CSF2RA: variants seen among roughly 807,000 people sequenced by gnomAD.
CSF2RA encodes the protein granulocyte-macrophage colony-stimulating factor receptor subunit alpha.
CSF2RA carries 42 observed loss-of-function variants against 51.6 expected under a neutral mutation model. The observed-to-expected ratio is 0.81, with a 90% confidence interval of 0.64 to 1.05. CSF2RA has a LOEUF of 1.05. Among genes scored for constraint, CSF2RA ranks in the 50% least tolerant of loss-of-function variants. The pLI is 0.00. For missense variants in CSF2RA, 530 were observed against 501.1 expected, an observed-to-expected ratio of 1.06 and a Z score of -0.55; for synonymous variants, 222 against 193.0, an observed-to-expected ratio of 1.15 and a Z score of -1.24.
In CSF2RA at chrX:1,290,105, TTGTTTTG is replaced by T. The variant is rs1348947724; in HGVS notation, c.474-218_474-212del. Among the ~76,000 whole-genome samples, 36 of 149,340 alleles carry T rather than the reference TTGTTTTG, an allele frequency of 2.4e-4. No individual in the cohort carries two copies. In the South Asian group the frequency reaches 7.3e-3, roughly 30 times the overall value. ...TTTGTGTTTTGTTTTGTGTTTGTTT[TTGTTTTG>T]TGTTTTGTGTTTTTATGTTTTGTTT... On this transcript the variant is annotated intron_variant, in intron 6 of 12. Coordinates refer to ENST00000381529, the MANE Select transcript of CSF2RA (RefSeq NM_172245.4).
intron 12 of CSF2RA, among the ~76,000 whole-genome samples, chrX:1,307,993 G>A (rs1482257675): frequency 1.4e-5 from 2 of 138,876 alleles, no homozygotes; most frequent in Admixed American, 7.4e-5. Context: ...AATTAGACAA[G>A]GCCCACCCCC....
rs2083506907 is a variant in CSF2RA, at chrX:1,305,823, G to A, written c.1125+296G>A. 2.6e-6 allele frequency: 4 copies of A among 1,536,360 alleles called. No homozygotes were observed. The African/African-American group carries it at 4.1e-5, about 16-fold the overall frequency. On this transcript the variant is annotated intron_variant, in intron 12 of 12. Coordinates refer to ENST00000381529, the MANE Select transcript of CSF2RA (RefSeq NM_172245.4). ...GGGCCAGGCACGGTGGCTCATGCCTGTCATCCCAGCACTTTGGGAGGTTGA... is the reference window on the plus strand; with the variant it reads ...GGGCCAGGCACGGTGGCTCATGCCTATCATCCCAGCACTTTGGGAGGTTGA...
chrX:1,307,671 C>A (rs1315442351), intron 12 of CSF2RA, among the ~76,000 whole-genome samples: 2 of 149,866 alleles, frequency 1.3e-5, no homozygotes, highest in Non-Finnish European at 3.0e-5. Flanking sequence ...CCACCCTCCC[C>A]TTTATACCTT....
chrX:1,305,861 A>G, intron 12 of CSF2RA: 1 of 1,413,152 alleles, frequency 7.1e-7, no homozygotes, highest in Non-Finnish European at 9.8e-7. Flanking sequence ...CATGTGGATC[A>G]TCTGAGGTCA....
chrX:1,314,437 T>C, downstream of CSF2RA, among the ~76,000 whole-genome samples: 1 of 148,498 alleles, frequency 6.7e-6, no homozygotes, highest in African/African-American at 2.5e-5. Flanking sequence ...CCAACCGCAC[T>C]GCACTTGCCC....
intron 7 of CSF2RA, among the ~76,000 whole-genome samples, chrX:1,291,718 C>A (rs1384983950): frequency 6.6e-6 from 1 of 152,140 alleles, no homozygotes; most frequent in African/African-American, 2.4e-5. Context: ...TGCCCCACCT[C>A]CACTTGGACC....
chrX:1,288,408 G>A lies in CSF2RA; in HGVS notation c.220-111G>A, dbSNP rs1355423856. 11 of 1,188,700 alleles carry A rather than the reference G, an allele frequency of 9.3e-6. 1 individual carries two copies. Among genetic ancestry groups the A allele is most frequent in the Non-Finnish European group, 1.4e-5 (11 of 797,758 alleles). 73.6% of individuals were successfully genotyped at this position (1,188,700 alleles called of 1,614,324 possible). A position where few individuals can be genotyped will look rare whatever the true frequency, so the allele number is the denominator to read the frequency against. On this transcript the variant is annotated intron_variant, in intron 4 of 12. Coordinates refer to ENST00000381529, the MANE Select transcript of CSF2RA (RefSeq NM_172245.4). ...GAGGCGGGAGAATTGCTTGAACCTGGAAGGCGGAGGTTGTAGTGAGCCGAG... is the reference window on the plus strand; with the variant it reads ...GAGGCGGGAGAATTGCTTGAACCTGAAAGGCGGAGGTTGTAGTGAGCCGAG...
the CSF2RA span, among the ~76,000 whole-genome samples, chrX:1,318,979 A>ATTTAT: frequency 3.1e-3 from 466 of 150,014 alleles, 19 homozygotes; most frequent in East Asian, 0.038. Context: ...ATGATCCTTT[A>ATTTAT]TTTATTTTAT....
At chrX:1,311,493 G>C (rs1327924585), downstream of CSF2RA, among the ~76,000 whole-genome samples, 1 of 151,484 alleles carries the variant, frequency 6.6e-6, no homozygotes, top group East Asian at 2.0e-4. Context: ...GAGTGCAGTG[G>C]CACAATCTCT....
At chrX:1,316,995 G>A in the CSF2RA span, among the ~76,000 whole-genome samples, 1 of 152,080 alleles carries the variant, frequency 6.6e-6, no homozygotes, top group African/African-American at 2.4e-5. Flanking sequence ...CGCCCAGGCT[G>A]GAGTGCAGTG....
At chrX:1,278,128 G>A (rs1265465429) in intron 2 of CSF2RA, among the ~76,000 whole-genome samples, 1 of 140,540 alleles carries the variant, frequency 7.1e-6, no homozygotes, top group Non-Finnish European at 1.5e-5. Context: ...GAGGTCAGGA[G>A]TTCGAGACCA....
intron 12 of CSF2RA, among the ~76,000 whole-genome samples, chrX:1,308,101 A>C (rs762124189): frequency 1.6e-4 from 24 of 152,162 alleles, no homozygotes; most frequent in Admixed American, 1.6e-3. Flanking sequence ...TGATTAGATA[A>C]GGCCCACCCA....
chrX:1,283,488 T>C (rs868260136), intron 3 of CSF2RA, among the ~76,000 whole-genome samples: 10 of 139,458 alleles, frequency 7.2e-5, no homozygotes, highest in African/African-American at 1.3e-4. Context: ...CTCTCTCTCT[T>C]TCTTTCTTTC....
chrX:1,288,952 G>T, intron 6 of CSF2RA, 64 bp downstream of exon 6: 1 of 1,603,486 alleles, frequency 6.2e-7, no homozygotes, highest in South Asian at 1.1e-5. Context: ...AATCATGCTG[G>T]TTTTCTTTTT....
In CSF2RA at chrX:1,281,222, C is replaced by T. The variant is rs1229405127; in HGVS notation, c.-26-1456C>T. ...TTCTCCTACTCCTCCTTCTCCTACT[C>T]CTCCTTCTCCTACTCCTCCTTCTCC... is the stretch of plus-strand genomic sequence containing the variant. On this transcript the variant is annotated intron_variant, in intron 2 of 12. Transcript: ENST00000381529. Among the ~76,000 whole-genome samples, 3 of 131,170 alleles carry T rather than the reference C, an allele frequency of 2.3e-5. No individual in the cohort carries two copies. The Admixed American group carries it at 2.3e-4, about 10-fold the overall frequency. The allele number at this position is 131,170 out of a possible 152,430, so 86.1% of individuals were successfully genotyped here.
rs373001955 is a variant in CSF2RA at position 1,285,301 on chromosome X, A to G, written c.77-477A>G. On this transcript the variant is annotated intron_variant, in intron 3 of 12. Coordinates refer to ENST00000381529, the MANE Select transcript of CSF2RA (RefSeq NM_172245.4). ...GAAGATGGACAAGGGAGGAACAGATACCTGAGGATGTGGGACGTCCTGGGG... is the reference window on the plus strand; with the variant it reads ...GAAGATGGACAAGGGAGGAACAGATGCCTGAGGATGTGGGACGTCCTGGGG... Among the ~76,000 whole-genome samples, 8 of 148,856 alleles carry G rather than the reference A, an allele frequency of 5.4e-5. No homozygotes were observed. The East Asian group carries it at 1.5e-3, about 28-fold the overall frequency.
At chrX:1,295,351 GAC>G in intron 8 of CSF2RA, 74 bp from the exon 9 acceptor site, 1 of 1,570,966 alleles carries the variant, frequency 6.4e-7, no homozygotes, top group Non-Finnish European at 8.8e-7. Flanking sequence ...CACCAGGGGA[GAC>G]ACTGTGTGAA....
At chrX:1,299,602 G>A (rs781490586) in intron 9 of CSF2RA, among the ~76,000 whole-genome samples, 20 of 150,822 alleles carry the variant, frequency 1.3e-4, no homozygotes, top group African/African-American at 4.3e-4. Flanking sequence ...CCCCACACCT[G>A]GCCAACAATT....
At chrX:1,324,656 C>A in the CSF2RA span, among the ~76,000 whole-genome samples, 22 of 152,134 alleles carry the variant, frequency 1.4e-4, no homozygotes, top group African/African-American at 5.3e-4. Context: ...TGCTTTGGCC[C>A]CACTGTGGAT....
Sources: allele counts gnomAD v4.1 joint callset (sites outside exome capture counted in the v4.1 genomes callset), GRCh38; gene constraint gnomAD v4.1.1; transcripts MANE v1.5; gene names NCBI Gene and HGNC (gene_info 2026-07-23, HGNC 2026-07-21).